FAM174B: variants seen among roughly 807,000 people sequenced by gnomAD.
FAM174B encodes the protein family with sequence similarity 174 member B.
In FAM174B, 12 loss-of-function variants were observed where a neutral mutation model predicts 10.9. That is an observed-to-expected ratio of 1.10 (90% CI 0.71 to 1.79). The LOEUF is 1.79. FAM174B is among the 40% of genes most tolerant of loss of function. The pLI is 0.00. For missense variants in FAM174B, 266 were observed against 233.3 expected, an observed-to-expected ratio of 1.14 and a Z score of -0.91; for synonymous variants, 132 against 115.8, an observed-to-expected ratio of 1.14 and a Z score of -0.90.
At chr15:92,644,018 C>T (rs1456551633) in intron 1 of FAM174B, among the ~76,000 whole-genome samples, 2 of 152,210 alleles carry the variant, frequency 1.3e-5, no homozygotes, top group African/African-American at 4.8e-5. Flanking sequence ...GGACACAGAC[C>T]TGTTTCGCTT....
At chr15:92,643,465 G>A (rs2050905592) in intron 1 of FAM174B, among the ~76,000 whole-genome samples, 1 of 151,828 alleles carries the variant, frequency 6.6e-6, no homozygotes, top group Non-Finnish European at 1.5e-5. Context: ...ACAAAGTGAA[G>A]AAAACTGTGT....
chr15:92,642,703 T>C (rs1157783169), intron 1 of FAM174B, among the ~76,000 whole-genome samples: 2 of 152,232 alleles, frequency 1.3e-5, no homozygotes, highest in African/African-American at 4.8e-5. Context: ...CAGGTTTAAC[T>C]GTGAGGCAAT....
intron 2 of FAM174B, 38 bp from the exon 3 acceptor site, chr15:92,619,497 G>A: frequency 6.2e-7 from 1 of 1,606,658 alleles, no homozygotes; most frequent in Non-Finnish European, 8.5e-7. Context: ...GCCCCTTCTG[G>A]CAGAGCCTCG....
At chr15:92,638,729 C>G (rs571743365) in intron 1 of FAM174B, among the ~76,000 whole-genome samples, 5 of 152,340 alleles carry the variant, frequency 3.3e-5, no homozygotes, top group Non-Finnish European at 7.3e-5. Flanking sequence ...ACACTTCTCA[C>G]TCTACTTACT....
At chr15:92,655,142 A>G in intron 1 of FAM174B, 174 bp downstream of exon 1, 3 of 834,190 alleles carry the variant, frequency 3.6e-6, no homozygotes, top group Non-Finnish European at 5.0e-6. Context: ...AGGAAAATCC[A>G]GACGAGCACA....
At chr15:92,631,171 T>TTATATATTATA (rs1567044990) in intron 1 of FAM174B, among the ~76,000 whole-genome samples, 1 of 15,676 alleles carries the variant, frequency 6.4e-5, no homozygotes, top group Non-Finnish European at 2.0e-4. Context: ...TATATAATAA[T>TTATATATTATA]TTATATATTA....
chr15:92,634,873 A>G lies in FAM174B; in HGVS notation c.345-4528T>C, dbSNP rs115459884. On this transcript the variant is annotated intron_variant, in intron 1 of 2. Coordinates refer to ENST00000327355, the MANE Select transcript of FAM174B (RefSeq NM_207446.3). ...AACAAAAAAACACAGCTTTCCCTCA[A>G]GGAGTGGGAGAACTCCTCCTGTCTA... Among the ~76,000 whole-genome samples, 1,358 of 152,264 alleles carry G rather than the reference A, an allele frequency of 8.9e-3. 12 individuals carry two copies. Among genetic ancestry groups the G allele is most frequent in the African/African-American group, 0.024 (984 of 41,546 alleles).
chr15:92,631,242 T>TTATATATAATATATTATATAA (rs1555421091), intron 1 of FAM174B, among the ~76,000 whole-genome samples: 1 of 1,188 alleles, frequency 8.4e-4, no homozygotes, highest in African/African-American at 1.2e-3. Context: ...ATATTATATA[T>TTATATATAATATATTATATAA]TATATTATAT....
chr15:92,630,299 T>C lies in FAM174B; in HGVS notation c.391A>G (p.Thr131Ala). 1.9e-6 allele frequency: 3 copies of C among 1,613,544 alleles called. No individual in the cohort carries two copies. Among genetic ancestry groups the C allele is most frequent in the Non-Finnish European group, 2.5e-6 (3 of 1,179,698 alleles). The change falls in exon 2 of 3, where the codon ACT becomes GCT. Residue 131 changes from threonine to alanine, a missense_variant. Thr to Ala is a moderately conservative substitution (Grantham distance 58, BLOSUM62 0). Coordinates refer to ENST00000327355, the MANE Select transcript of FAM174B (RefSeq NM_207446.3). ...GCCATTTCCACTCGCTCTGCTGGAGTGGTGATGATATCATACTTGCGTGTC... is the reference window on the plus strand; with the variant it reads ...GCCATTTCCACTCGCTCTGCTGGAGCGGTGATGATATCATACTTGCGTGTC... ...KKTRKYDIIT[T>A]PAERVEMAPL...
rs912226935 is a variant in FAM174B, at chr15:92,643,695, C to A, written c.344+11621G>T. Among the ~76,000 whole-genome samples the A allele has an allele frequency of 3.9e-5, 6 of 152,126 alleles. 1 individual carries two copies. In the South Asian group the frequency reaches 1.2e-3, roughly 32 times the overall value. ...CCATGGCTGACTCCATGTGGCTTTG[C>A]CCGGCTATCCTGGTGACTTCAGAAC... On this transcript the variant is annotated intron_variant, in intron 1 of 2. Transcript: ENST00000327355.
chr15:92,646,714 A>T (rs76732282), intron 1 of FAM174B, among the ~76,000 whole-genome samples: 1,976 of 152,272 alleles, frequency 0.013, 39 homozygotes, highest in African/African-American at 0.043. Context: ...CTGCATAATA[A>T]AACCTTGGTC....
intron 1 of FAM174B, among the ~76,000 whole-genome samples, chr15:92,652,490 C>A (rs1204699107): frequency 6.6e-6 from 1 of 152,114 alleles, no homozygotes; most frequent in African/African-American, 2.4e-5. Flanking sequence ...AGGAGGGAGG[C>A]AGCACCCTGA....
intron 1 of FAM174B, among the ~76,000 whole-genome samples, chr15:92,650,395 A>C (rs565213368): frequency 6.6e-6 from 1 of 152,312 alleles, no homozygotes; most frequent in South Asian, 2.1e-4. Flanking sequence ...ACCAAAAAGA[A>C]GCCTCCTTTC....
intron 1 of FAM174B, among the ~76,000 whole-genome samples, chr15:92,649,878 A>G (rs1044972036): frequency 2.0e-5 from 3 of 152,228 alleles, no homozygotes; most frequent in Non-Finnish European, 2.9e-5. Context: ...TGTGGCATAT[A>G]ATATCAAACA....
At chr15:92,631,382 T>TTATATATA (rs2050812426) in intron 1 of FAM174B, among the ~76,000 whole-genome samples, 1 of 22,862 alleles carries the variant, frequency 4.4e-5, no homozygotes, top group South Asian at 1.1e-3. Flanking sequence ...TATAATATAT[T>TTATATATA]ATATATTATA....
chr15:92,633,557 C>A (rs1464294441), intron 1 of FAM174B, among the ~76,000 whole-genome samples: 1 of 151,906 alleles, frequency 6.6e-6, no homozygotes, highest in Non-Finnish European at 1.5e-5. Flanking sequence ...CACCGGTATA[C>A]ACACACACGC....
chr15:92,639,715 T>A (rs58898424), intron 1 of FAM174B, among the ~76,000 whole-genome samples: 14,694 of 152,054 alleles, frequency 0.097, 989 homozygotes, highest in East Asian at 0.25. Flanking sequence ...AGTGGGTGAG[T>A]GCCTGAGAGA....
intron 2 of FAM174B, among the ~76,000 whole-genome samples, chr15:92,622,930 C>A (rs1338927861): frequency 6.6e-6 from 1 of 152,128 alleles, no homozygotes; most frequent in Non-Finnish European, 1.5e-5. Flanking sequence ...CCAAGATGGG[C>A]AGATCACTTG....
In FAM174B at chr15:92,618,966, C is replaced by A. The variant is rs1299255968; in HGVS notation, c.*490G>T. The A allele has an allele frequency of 5.2e-6, 3 of 577,920 alleles. No homozygotes were observed. Among genetic ancestry groups the A allele is most frequent in the Non-Finnish European group, 9.2e-6 (3 of 325,580 alleles). 35.8% of individuals were successfully genotyped at this position (577,920 alleles called of 1,614,324 possible). On this transcript the variant is annotated 3_prime_UTR_variant, in exon 3 of 3. Transcript: ENST00000327355. ...GGTAACGCCAAAATGAGGCCAGGACCTGACCAAGCCAAAAAAGCAGCAAAG... is the reference window on the plus strand; with the variant it reads ...GGTAACGCCAAAATGAGGCCAGGACATGACCAAGCCAAAAAAGCAGCAAAG...
Sources: gnomAD v4.1 joint callset for allele counts (sites outside exome capture counted in the v4.1 genomes callset) on GRCh38, gnomAD v4.1.1 for gene constraint, MANE v1.5 for transcripts, NCBI Gene and HGNC (gene_info 2026-07-23, HGNC 2026-07-21) for gene names.